The following CNST variants were observed in gnomAD, a reference collection of about 807,000 sequenced individuals.
CNST encodes the protein consortin.
CNST carries 39 observed loss-of-function variants against 72.4 expected under a neutral mutation model. That is an observed-to-expected ratio of 0.54 (90% CI 0.42 to 0.70). The LOEUF (loss-of-function observed/expected upper bound fraction) is 0.70, where lower values mean the gene tolerates loss of function less well. Ranked by LOEUF, CNST falls within the 30% of genes least tolerant of loss-of-function variation. The probability of loss-of-function intolerance (pLI) is 0.00; values close to 1 mark genes in which losing one functional copy is unlikely to be tolerated. For missense variants in CNST, 871 were observed against 868.5 expected (o/e 1.00, Z -0.04); for synonymous variants, 332 against 320.1 (o/e 1.04, Z -0.40).
chr1:246,591,610 A>G lies in CNST; in HGVS notation c.48A>G (p.Gln16=). The stretch of plus-strand genomic sequence containing the variant: ...CATATTATCTGCAAATAGAACCACA[A>G]GATGGATGTCATCCTGGTGACAGCG... ...TPTYYLQIEP[Q]DGCHPGDSVE... Residue 16 remains glutamine, a synonymous_variant, in exon 2 of 11, where the codon CAA becomes CAG. Transcript: ENST00000366513. The G allele has an allele frequency of 1.2e-6, 2 of 1,614,208 alleles. No homozygotes were observed. Among genetic ancestry groups the G allele is most frequent in the Non-Finnish European group, 1.7e-6 (2 of 1,180,008 alleles).
intron 4 of CNST, among the ~76,000 whole-genome samples, 191 bp from the exon 5 acceptor site, chr1:246,633,733 A>T (rs1664943358): frequency 6.6e-6 from 1 of 151,336 alleles, no homozygotes; most frequent in African/African-American, 2.4e-5. Flanking sequence ...ACAGAGCAAG[A>T]TTCCATCTCA....
chr1:246,652,227 T>G (rs1666483549), intron 9 of CNST, among the ~76,000 whole-genome samples: 1 of 152,226 alleles, frequency 6.6e-6, no homozygotes, highest in Non-Finnish European at 1.5e-5. Flanking sequence ...ATCTTCTCTT[T>G]AAACTCTTCA....
chr1:246,632,981 A>G (rs935105088), intron 4 of CNST, among the ~76,000 whole-genome samples: 2 of 152,216 alleles, frequency 1.3e-5, no homozygotes, highest in Non-Finnish European at 2.9e-5. Context: ...AAAGGGAAAC[A>G]TGTAGATTCC....
At chr1:246,631,682 C>T (rs1237734095) in intron 3 of CNST, among the ~76,000 whole-genome samples, 4 of 152,162 alleles carry the variant, frequency 2.6e-5, no homozygotes, top group Admixed American at 6.5e-5. Flanking sequence ...CACCAAAGAA[C>T]GTCTCTGCTT....
intron 3 of CNST, among the ~76,000 whole-genome samples, chr1:246,624,757 T>C (rs1664309602): frequency 6.6e-6 from 1 of 152,222 alleles, no homozygotes; most frequent in Admixed American, 6.5e-5. Flanking sequence ...TGTTGACATT[T>C]TTATCAAATT....
chr1:246,652,561 T>A (rs1362825989), intron 9 of CNST, among the ~76,000 whole-genome samples: 1 of 152,242 alleles, frequency 6.6e-6, no homozygotes. Context: ...TTCATTAACA[T>A]CTACATTTAT....
chr1:246,652,605 AAT>A (rs1384022531), intron 9 of CNST, among the ~76,000 whole-genome samples: 1 of 152,182 alleles, frequency 6.6e-6, no homozygotes, highest in Non-Finnish European at 1.5e-5. Flanking sequence ...TGTTCAGAAA[AAT>A]ATATTAAGTG....
chr1:246,585,590 G>A (rs1183506411), intron 1 of CNST, among the ~76,000 whole-genome samples: 3 of 145,136 alleles, frequency 2.1e-5, no homozygotes, highest in East Asian at 2.1e-4. Flanking sequence ...AGGTTGCAGT[G>A]AGCCAAGATC....
rs1667463580 is a variant in CNST, at chr1:246,668,271, A to G, written c.*2366A>G. On this transcript the variant is annotated 3_prime_UTR_variant, in exon 11 of 11. Coordinates refer to ENST00000366513, the MANE Select transcript of CNST (RefSeq NM_152609.3). ...TTTGAAAGTACTGACAACTATTTGT[A>G]ACTAATCTTCCTTAAGAACTGTATT... 6.6e-6 allele frequency: 1 copy of G among 152,204 alleles called. No individual in the cohort carries two copies. Among genetic ancestry groups the G allele is most frequent in the African/African-American group, 2.4e-5 (1 of 41,442 alleles). 9.4% of individuals were successfully genotyped at this position (152,204 alleles called of 1,614,324 possible).
At chr1:246,636,499 C>T (rs938674854) in intron 6 of CNST, among the ~76,000 whole-genome samples, 8 of 152,114 alleles carry the variant, frequency 5.3e-5, no homozygotes, top group South Asian at 2.1e-4. Flanking sequence ...ATCTACAAAC[C>T]GGTTTTTTCC....
At chr1:246,609,071 G>T (rs927827503) in intron 2 of CNST, among the ~76,000 whole-genome samples, 3 of 152,324 alleles carry the variant, frequency 2.0e-5, no homozygotes, top group Admixed American at 2.0e-4. Flanking sequence ...TGCAACCCGG[G>T]GGTGTGGGAG....
chr1:246,644,721 C>T (rs145971487), intron 8 of CNST, among the ~76,000 whole-genome samples: 172 of 152,338 alleles, frequency 1.1e-3, no homozygotes, highest in African/African-American at 3.9e-3. Flanking sequence ...GTTCTCTCTG[C>T]CCTGTGCTTT....
chr1:246,617,055 C>G (rs995900782), intron 2 of CNST, among the ~76,000 whole-genome samples: 4 of 152,120 alleles, frequency 2.6e-5, no homozygotes, highest in Non-Finnish European at 5.9e-5. Flanking sequence ...TCTAAGTACT[C>G]CTGATTATGC....
chr1:246,580,013 C>T (rs1660684344), intron 1 of CNST, among the ~76,000 whole-genome samples: 1 of 152,138 alleles, frequency 6.6e-6, no homozygotes, highest in Admixed American at 6.5e-5. Context: ...GGAATGACTC[C>T]AAAATTAGAG....
intron 2 of CNST, among the ~76,000 whole-genome samples, chr1:246,612,264 C>T (rs1663369030): frequency 6.6e-6 from 1 of 152,214 alleles, no homozygotes; most frequent in African/African-American, 2.4e-5. Context: ...TGCAGTGGCA[C>T]AATCTTGGCT....
chr1:246,622,842 G>A (rs1301261564), intron 3 of CNST, among the ~76,000 whole-genome samples: 1 of 151,964 alleles, frequency 6.6e-6, no homozygotes, highest in African/African-American at 2.4e-5. Flanking sequence ...TATTTATTTA[G>A]AGACAGAGTC....
chr1:246,667,164 G>GT lies in CNST; in HGVS notation c.*1264dup, dbSNP rs894533675. ...AAAGAAAAACCAAACATGAATTATA[G>GT]TTTTTAACAAGTGATCTTTATTTCC... On this transcript the variant is annotated 3_prime_UTR_variant, in exon 11 of 11. Coordinates refer to ENST00000366513, the MANE Select transcript of CNST (RefSeq NM_152609.3). 1 of 151,844 alleles carries GT rather than the reference G, an allele frequency of 6.6e-6. No homozygotes were observed. The highest frequency in any genetic ancestry group is 2.4e-5 in the African/African-American group (1 of 41,324). The allele number at this position is 151,844 out of a possible 1,614,324, so 9.4% of individuals were successfully genotyped here. A position where few individuals can be genotyped will look rare whatever the true frequency, so the allele number is the denominator to read the frequency against.
chr1:246,661,558 A>G (rs1667106347), intron 10 of CNST, among the ~76,000 whole-genome samples: 1 of 152,148 alleles, frequency 6.6e-6, no homozygotes, highest in African/African-American at 2.4e-5. Context: ...CTGCTGTTTG[A>G]CTTCTTCGTC....
intron 2 of CNST, among the ~76,000 whole-genome samples, chr1:246,597,624 G>A (rs1314719656): frequency 6.6e-6 from 1 of 152,204 alleles, no homozygotes; most frequent in Non-Finnish European, 1.5e-5. Flanking sequence ...CACTATCAGT[G>A]CCCTGACTTG....
Sources: allele counts gnomAD v4.1 joint callset (sites outside exome capture counted in the v4.1 genomes callset), GRCh38; gene constraint gnomAD v4.1.1; transcripts MANE v1.5; gene names NCBI Gene and HGNC (gene_info 2026-07-23, HGNC 2026-07-21).